LRRC4C: variants seen among roughly 807,000 people sequenced by gnomAD.
The protein encoded by LRRC4C is leucine rich repeat containing 4C.
Under a neutral mutation model 33.6 loss-of-function variants are expected in LRRC4C, and 5 were observed. The ratio of observed to expected loss-of-function variants is 0.15; its 90% CI spans 0.08 to 0.31. The LOEUF (loss-of-function observed/expected upper bound fraction) is 0.31, where lower values mean the gene tolerates loss of function less well. Among genes scored for constraint, LRRC4C ranks in the 10% least tolerant of loss-of-function variants. The probability of loss-of-function intolerance (pLI) is 1.00; values close to 1 mark genes in which losing one functional copy is unlikely to be tolerated. For missense variants in LRRC4C, 560 were observed against 796.7 expected (o/e 0.70, Z 3.58); for synonymous variants, 329 against 302.0 (o/e 1.09, Z -0.93).
At chr11:41,391,944 A>G (rs1462271072) in intron 1 of LRRC4C, among the ~76,000 whole-genome samples, 3 of 151,986 alleles carry the variant, frequency 2.0e-5, no homozygotes, top group Non-Finnish European at 4.4e-5. Context: ...AGCAGGCATC[A>G]CTGCTATTTA....
Position 40,115,442 on chromosome 11 carries a change from T to C in LRRC4C, c.851A>G (p.His284Arg). The C allele has an allele frequency of 6.2e-7, 1 of 1,614,206 alleles. No individual in the cohort carries two copies. Among genetic ancestry groups the C allele is most frequent in the Non-Finnish European group, 8.5e-7 (1 of 1,180,034 alleles). Residue 284 changes from histidine (H) to arginine (R), a missense_variant, in exon 7 of 7, where the codon CAT becomes CGT. By Grantham distance (29) the His-to-Arg change is conservative (BLOSUM62 0). Coordinates refer to ENST00000528697, the MANE Select transcript of LRRC4C (RefSeq NM_001258419.2). This position sits in a 1 kb window ranked among gnomAD's most constrained non-coding sequence, Gnocchi z 6.7. ...ATGATGCAAGGGAGTGAAGAGGTCA[T>C]GAGGCAGTAATGTTAGATTATTGTG... is the stretch of plus-strand genomic sequence containing the variant. ...LAHNNLTLLP[H>R]DLFTPLHHLE...
At chr11:40,306,501 C>T (rs80351114) in intron 4 of LRRC4C, among the ~76,000 whole-genome samples, 32 of 152,170 alleles carry the variant, frequency 2.1e-4, no homozygotes, top group Non-Finnish European at 4.0e-4. Context: ...CTCACATGGA[C>T]AAAGTGTATG....
chr11:40,255,406 C>T (rs1329341167), intron 4 of LRRC4C, among the ~76,000 whole-genome samples: 1 of 152,176 alleles, frequency 6.6e-6, no homozygotes, highest in Non-Finnish European at 1.5e-5. Context: ...AGCTATTGCT[C>T]CAAAGCGTCA....
chr11:40,608,050 G>A (rs775909697), intron 3 of LRRC4C, among the ~76,000 whole-genome samples: 2 of 152,038 alleles, frequency 1.3e-5, no homozygotes, highest in Non-Finnish European at 2.9e-5. Context: ...CAACACATAA[G>A]CATATGAAAC....
At chr11:40,225,359 A>G (rs983222549) in intron 5 of LRRC4C, among the ~76,000 whole-genome samples, 1 of 152,200 alleles carries the variant, frequency 6.6e-6, no homozygotes, top group African/African-American at 2.4e-5. Flanking sequence ...GGGAAAATGG[A>G]CCTTTCCTAT....
At chr11:41,047,087 A>G (rs1489915071) in intron 1 of LRRC4C, among the ~76,000 whole-genome samples, 5 of 152,134 alleles carry the variant, frequency 3.3e-5, no homozygotes, top group Non-Finnish European at 7.4e-5. Flanking sequence ...AAACCACAGA[A>G]TGTGACAACA....
intron 3 of LRRC4C, among the ~76,000 whole-genome samples, chr11:40,384,564 G>A (rs1258890011): frequency 1.3e-5 from 2 of 152,124 alleles, no homozygotes; most frequent in Non-Finnish European, 2.9e-5. Context: ...CATTCAAATC[G>A]TTCTCACTAT....
intron 2 of LRRC4C, among the ~76,000 whole-genome samples, chr11:40,899,841 T>C (rs968738840): frequency 6.6e-6 from 1 of 152,176 alleles, no homozygotes; most frequent in African/African-American, 2.4e-5. Flanking sequence ...CTATTGGTAA[T>C]GTTTGATCAT....
Position 40,354,736 on chromosome 11 carries a change from G to A in LRRC4C, c.-269-35015C>T, listed in dbSNP as rs1584745. ...CTGGGTCTCTCCTTTCAGGACAGTC[G>A]GCTTCCCTGTGGCCCCGAGTGGGTT... is the stretch of plus-strand genomic sequence containing the variant. On this transcript the variant is annotated intron_variant, in intron 3 of 6. Coordinates refer to ENST00000528697, the MANE Select transcript of LRRC4C (RefSeq NM_001258419.2). Among the ~76,000 whole-genome samples the A allele has an allele frequency of 6.6e-3, 1,000 of 152,120 alleles. 11 individuals carry two copies. Among genetic ancestry groups the A allele is most frequent in the Admixed American group, 0.021 (317 of 15,284 alleles).
At chr11:41,349,772 T>C (rs928238052) in intron 1 of LRRC4C, among the ~76,000 whole-genome samples, 3 of 152,188 alleles carry the variant, frequency 2.0e-5, no homozygotes, top group African/African-American at 7.2e-5. Flanking sequence ...TCTTCTTACC[T>C]CCAAACAGCC....
chr11:41,322,876 A>T (rs1251206876), intron 1 of LRRC4C, among the ~76,000 whole-genome samples: 1 of 152,176 alleles, frequency 6.6e-6, no homozygotes, highest in African/African-American at 2.4e-5. Context: ...CTGGTAGTTC[A>T]AACTTCCTCC....
intron 2 of LRRC4C, among the ~76,000 whole-genome samples, chr11:40,731,341 A>C (rs73473333): frequency 7.9e-5 from 12 of 151,264 alleles, no homozygotes; most frequent in African/African-American, 2.4e-4. Flanking sequence ...TAAATAAATA[A>C]AGTGTGAGGC....
intron 1 of LRRC4C, among the ~76,000 whole-genome samples, chr11:41,316,475 T>A (rs1950800768): frequency 6.6e-6 from 1 of 152,116 alleles, no homozygotes; most frequent in Non-Finnish European, 1.5e-5. Flanking sequence ...TTCTGTGATT[T>A]CTATATTTCT....
At chr11:41,154,181 A>T (rs1944124538) in intron 1 of LRRC4C, among the ~76,000 whole-genome samples, 1 of 152,164 alleles carries the variant, frequency 6.6e-6, no homozygotes, top group Admixed American at 6.6e-5. Flanking sequence ...CACATTCATA[A>T]AGCTAAACCT....
rs1592211966 is a variant in LRRC4C at position 40,966,731 on chromosome 11, A to G, written c.-495-33008T>C. Among the ~76,000 whole-genome samples, 2 of 151,906 alleles carry G rather than the reference A, an allele frequency of 1.3e-5. 1 individual carries two copies. Among genetic ancestry groups the G allele is most frequent in the East Asian group, 3.9e-4 (2 of 5,162 alleles). ...TTTCTCTTCATTGATGTTGTCCCTT[A>G]GAAACCTCAGCTTCTTTTTTCCTAC... On this transcript the variant is annotated intron_variant, in intron 1 of 6. Transcript: ENST00000528697.
chr11:40,680,180 T>G (rs1434929036), intron 2 of LRRC4C, among the ~76,000 whole-genome samples: 1 of 152,186 alleles, frequency 6.6e-6, no homozygotes, highest in Non-Finnish European at 1.5e-5. Context: ...TTCGGCCAAT[T>G]TCTCCCATTT....
chr11:41,280,639 C>T (rs1381984106), intron 1 of LRRC4C, among the ~76,000 whole-genome samples: 4 of 152,140 alleles, frequency 2.6e-5, no homozygotes, highest in Non-Finnish European at 5.9e-5. Context: ...CGGTTCCACA[C>T]TTGTCAGATA....
chr11:40,129,615 A>G (rs1450362476), intron 6 of LRRC4C, among the ~76,000 whole-genome samples: 1 of 152,198 alleles, frequency 6.6e-6, no homozygotes, highest in Non-Finnish European at 1.5e-5. Context: ...ACTGCATTGG[A>G]TCAGAACACT....
intron 2 of LRRC4C, among the ~76,000 whole-genome samples, chr11:40,755,414 CAGCCAGGATG>C (rs1948900246): frequency 6.6e-6 from 1 of 152,052 alleles, no homozygotes. Context: ...GCAATCATTA[CAGCCAGGATG>C]CAAACACTGG....
Sources: gnomAD v4.1 joint callset for allele counts (sites outside exome capture counted in the v4.1 genomes callset) on GRCh38, gnomAD v4.1.1 for gene constraint, Gnocchi (gnomAD v3.1) non-coding constraint, MANE v1.5 for transcripts, NCBI Gene and HGNC (gene_info 2026-07-23, HGNC 2026-07-21) for gene names.